Variants in SDK1 observed in about 807,000 individuals in gnomAD.
The protein encoded by SDK1 is sidekick cell adhesion molecule 1, also known as protein sidekick-1.
In SDK1, 157 loss-of-function variants were observed where a neutral mutation model predicts 245.5. The ratio of observed to expected loss-of-function variants is 0.64; its 90% CI spans 0.56 to 0.73. The LOEUF (loss-of-function observed/expected upper bound fraction) is 0.73. Among genes scored for constraint, SDK1 ranks in the 30% least tolerant of loss-of-function variants. The pLI, the probability that SDK1 is intolerant of heterozygous loss-of-function variation, is 0.00. For synonymous variants in SDK1, 1,647 were observed against 1,278.5 expected (o/e 1.29, Z -6.15); for missense variants, 3,583 against 3,002.3 (o/e 1.19, Z -4.52).
chr7:4,198,065 C>G (rs754527411), intron 35 of SDK1, among the ~76,000 whole-genome samples: 6 of 151,402 alleles, frequency 4.0e-5, no homozygotes, highest in Non-Finnish European at 7.4e-5. Flanking sequence ...AGCACTGAGA[C>G]AGAGGGCTGC....
At chr7:4,251,979 T>G (rs998117123) in intron 44 of SDK1, among the ~76,000 whole-genome samples, 7 of 152,260 alleles carry the variant, frequency 4.6e-5, no homozygotes, top group African/African-American at 1.7e-4. Context: ...TATGGTACAT[T>G]ACATTAACTA....
chr7:3,737,292 T>A lies in SDK1; in HGVS notation c.714-84158T>A, dbSNP rs549229741. Among the ~76,000 whole-genome samples the A allele has an allele frequency of 8.5e-5, 13 of 152,304 alleles. No homozygotes were observed. The Middle Eastern group carries it at 0.017, about 199-fold the overall frequency. On this transcript the variant is annotated intron_variant, in intron 4 of 44. Transcript: ENST00000404826. ...TGGTCAATGGGGTTGCTGGTTGATC[T>A]CCCTGTTTGGGGGTGGCTGCAGGCT...
intron 14 of SDK1, among the ~76,000 whole-genome samples, chr7:4,010,151 T>C (rs1785820637): frequency 6.6e-6 from 1 of 152,180 alleles, no homozygotes; most frequent in African/African-American, 2.4e-5. Context: ...AACTTGAAAA[T>C]TCAGTTCAGG....
intron 1 of SDK1, among the ~76,000 whole-genome samples, chr7:3,506,413 A>G (rs1397795753): frequency 6.6e-6 from 1 of 152,062 alleles, no homozygotes; most frequent in Non-Finnish European, 1.5e-5. Flanking sequence ...ATCACTAGTT[A>G]TCAGGAATTT....
chr7:3,418,132 C>G (rs1779426974), intron 1 of SDK1, among the ~76,000 whole-genome samples: 1 of 100,476 alleles, frequency 1.0e-5, no homozygotes, highest in Non-Finnish European at 1.8e-5. Flanking sequence ...GAAACCCGAT[C>G]TCTACTAAAA....
intron 1 of SDK1, among the ~76,000 whole-genome samples, chr7:3,440,650 T>G (rs1027846527): frequency 6.6e-6 from 1 of 152,082 alleles, no homozygotes; most frequent in Non-Finnish European, 1.5e-5. Context: ...AGAAAGTGCT[T>G]CCTTTAAATG....
At chr7:3,607,044 A>G (rs1283379119) in intron 1 of SDK1, among the ~76,000 whole-genome samples, 1 of 152,164 alleles carries the variant, frequency 6.6e-6, no homozygotes, top group Non-Finnish European at 1.5e-5. Context: ...GGCTTCCAAG[A>G]TGCACCTTCA....
chr7:3,550,878 A>G (rs892795610), intron 1 of SDK1, among the ~76,000 whole-genome samples: 7 of 152,174 alleles, frequency 4.6e-5, no homozygotes, highest in African/African-American at 1.4e-4. Flanking sequence ...ATTTTTAGCA[A>G]TACTGCTGTG....
intron 5 of SDK1, among the ~76,000 whole-genome samples, chr7:3,925,311 CGAG>C (rs1779730502): frequency 6.6e-6 from 1 of 152,202 alleles, no homozygotes; most frequent in Non-Finnish European, 1.5e-5. Context: ...TAAAAAGAAG[CGAG>C]GAGGAGAAGC....
intron 32 of SDK1, among the ~76,000 whole-genome samples, chr7:4,173,430 G>A (rs1472323797): frequency 1.3e-5 from 2 of 152,192 alleles, no homozygotes; most frequent in African/African-American, 2.4e-5. Context: ...TGGGTCTCGA[G>A]TGGTGAACAG....
chr7:3,723,941 T>TAGAG (rs1232137046), intron 4 of SDK1, among the ~76,000 whole-genome samples: 22 of 111,358 alleles, frequency 2.0e-4, no homozygotes, highest in Admixed American at 1.1e-3. Flanking sequence ...TATATATATA[T>TAGAG]ATAGAGAGAG....
chr7:3,616,541 G>A (rs1003167233), intron 1 of SDK1, among the ~76,000 whole-genome samples: 2 of 152,116 alleles, frequency 1.3e-5, no homozygotes, highest in African/African-American at 4.8e-5. Flanking sequence ...TTTGTTCTCA[G>A]CTCCTGCATT....
intron 40 of SDK1, among the ~76,000 whole-genome samples, chr7:4,228,656 C>T (rs959254241): frequency 2.6e-5 from 4 of 152,226 alleles, no homozygotes; most frequent in Admixed American, 6.5e-5. Flanking sequence ...TCTCCTGCCT[C>T]AGTCTCCTGA....
chr7:3,855,154 A>G (rs1780514101), intron 5 of SDK1, among the ~76,000 whole-genome samples: 1 of 152,152 alleles, frequency 6.6e-6, no homozygotes, highest in African/African-American at 2.4e-5. Context: ...GATGATCTAG[A>G]TAAGATCCTC....
intron 1 of SDK1, among the ~76,000 whole-genome samples, chr7:3,485,719 C>G (rs1781673296): frequency 2.0e-5 from 1 of 50,976 alleles, no homozygotes; most frequent in Non-Finnish European, 3.5e-5. Context: ...CCATCTTGCT[C>G]CACCTTTCTC....
intron 1 of SDK1, among the ~76,000 whole-genome samples, chr7:3,345,667 G>A (rs1003287888): frequency 1.3e-5 from 2 of 151,978 alleles, no homozygotes; most frequent in Admixed American, 6.5e-5. Context: ...ATGGTGGCAC[G>A]GCTGAAAAGA....
At chr7:3,695,340 G>A (rs2115000452) in intron 4 of SDK1, among the ~76,000 whole-genome samples, 1 of 152,242 alleles carries the variant, frequency 6.6e-6, no homozygotes, top group African/African-American at 2.4e-5. Flanking sequence ...CCAAATAGAT[G>A]CTCATCGTAG....
At chr7:3,347,065 C>G (rs890332243) in intron 1 of SDK1, among the ~76,000 whole-genome samples, 1 of 151,360 alleles carries the variant, frequency 6.6e-6, no homozygotes, top group Non-Finnish European at 1.5e-5. Flanking sequence ...TCTTGCTGTT[C>G]CCTGAAAGAC....
At chr7:4,128,898 G>C (rs1784579814) in intron 26 of SDK1, among the ~76,000 whole-genome samples, 1 of 137,098 alleles carries the variant, frequency 7.3e-6, no homozygotes, top group Non-Finnish European at 1.6e-5. Context: ...GAGCAGCTTG[G>C]GGTGGGGTCC....
Sources: allele counts gnomAD v4.1 joint callset (sites outside exome capture counted in the v4.1 genomes callset), GRCh38; gene constraint gnomAD v4.1.1; transcripts MANE v1.5; gene names NCBI Gene and HGNC (gene_info 2026-07-23, HGNC 2026-07-21).